ELL2: variants seen among roughly 807,000 people sequenced by gnomAD.
ELL2 encodes elongation factor for RNA polymerase II 2, also known as RNA polymerase II elongation factor ELL2.
ELL2 carries 21 observed loss-of-function variants against 72.8 expected under a neutral mutation model. That is an observed-to-expected ratio of 0.29 (90% CI 0.20 to 0.42). The LOEUF (loss-of-function observed/expected upper bound fraction) is 0.42. Among genes scored for constraint, ELL2 ranks in the 10% least tolerant of loss-of-function variants. ELL2 has a pLI of 1.00. For synonymous variants in ELL2, 266 were observed against 283.2 expected (o/e 0.94, Z 0.61); for missense variants, 568 against 772.8 (o/e 0.73, Z 3.14).
chr5:95,922,023 A>G (rs1363430657), intron 2 of ELL2, among the ~76,000 whole-genome samples: 1 of 151,842 alleles, frequency 6.6e-6, no homozygotes, highest in Admixed American at 6.6e-5. Context: ...GTACTTCCAT[A>G]CCTATCAGAG....
In ELL2 at chr5:95,943,013, C is replaced by A; in HGVS notation, c.184G>T (p.Gly62Ter). The A allele has an allele frequency of 6.3e-7, 1 of 1,597,290 alleles. No individual in the cohort carries two copies. The change falls in exon 2 of 12, where the codon GGA becomes TGA. Residue 62 changes from glycine to a stop codon, truncating the protein, a stop_gained. Transcript: ENST00000237853. LOFTEE classifies it high-confidence loss of function. ...ATAAGAGTACTCACCCCGTGGAGTCCTTGGAACTGGATTGAAGGTCGAAAA... is the reference window on the plus strand; with the variant it reads ...ATAAGAGTACTCACCCCGTGGAGTCATTGGAACTGGATTGAAGGTCGAAAA... ...IPFRPSIQFQ[G>*]LHGLVKIPKN...
chr5:95,928,024 T>C (rs747038602), intron 2 of ELL2, among the ~76,000 whole-genome samples: 16 of 151,764 alleles, frequency 1.1e-4, no homozygotes, highest in Non-Finnish European at 1.9e-4. Flanking sequence ...CTAAAAAGTA[T>C]TTAGAAGAAC....
At chr5:95,949,431 TGGGC>T (rs1342333862) in intron 1 of ELL2, among the ~76,000 whole-genome samples, 1 of 152,186 alleles carries the variant, frequency 6.6e-6, no homozygotes, top group Non-Finnish European at 1.5e-5. Flanking sequence ...AATAGCATTC[TGGGC>T]CTAGAAAATA....
In ELL2 at chr5:95,961,659, C is replaced by G; in HGVS notation, c.63G>C (p.Arg21=). Residue 21 remains arginine, a synonymous_variant, in exon 1 of 12, where the codon CGG becomes CGC. Transcript: ENST00000237853. ...EEQRYGLSCG[R]LGQDNITVLH... is the part of the protein sequence containing the mutation. ...GTACGGTGATGTTGTCCTGCCCCAG[C>G]CGTCCGCACGACAGCCCATAGCGCT... 1 of 1,609,948 alleles carries G rather than the reference C, an allele frequency of 6.2e-7. No homozygotes were observed. Among genetic ancestry groups the G allele is most frequent in the Non-Finnish European group, 8.5e-7 (1 of 1,178,630 alleles).
chr5:95,894,349 C>T (rs1024686797), intron 9 of ELL2, among the ~76,000 whole-genome samples: 8 of 152,090 alleles, frequency 5.3e-5, no homozygotes, highest in African/African-American at 1.2e-4. Context: ...ATGATTCTGT[C>T]GTATATAATA....
At position 95,888,336 on chromosome 5, in the gene ELL2, C is replaced by T. The variant is rs1199637418; in HGVS notation, c.*535G>A. The T allele has an allele frequency of 1.3e-5, 2 of 152,584 alleles. No homozygotes were observed. Among genetic ancestry groups the T allele is most frequent in the Non-Finnish European group, 2.9e-5 (2 of 68,118 alleles). 9.5% of individuals were successfully genotyped at this position (152,584 alleles called of 1,614,324 possible). A position where few individuals can be genotyped will look rare whatever the true frequency, so the allele number is the denominator to read the frequency against. On this transcript the variant is annotated 3_prime_UTR_variant, in exon 12 of 12. Coordinates refer to ENST00000237853, the MANE Select transcript of ELL2 (RefSeq NM_012081.6). ...GTGTATGTGAATCTATACACATACACCTTTCTATTTTTTAACCCTCCAAGA... is the reference window on the plus strand; with the variant it reads ...GTGTATGTGAATCTATACACATACATCTTTCTATTTTTTAACCCTCCAAGA...
At chr5:95,940,986 G>A (rs900645193) in intron 2 of ELL2, among the ~76,000 whole-genome samples, 2 of 152,052 alleles carry the variant, frequency 1.3e-5, no homozygotes, top group African/African-American at 4.8e-5. Context: ...GGGAGGGGTG[G>A]ATGGAATGCA....
intron 8 of ELL2, among the ~76,000 whole-genome samples, chr5:95,896,889 C>A (rs938803277): frequency 6.6e-6 from 1 of 152,168 alleles, no homozygotes; most frequent in Non-Finnish European, 1.5e-5. Flanking sequence ...TGTCTCTAGC[C>A]TTTGACTCAG....
At position 95,906,665 on chromosome 5, in the gene ELL2, G is replaced by A; in HGVS notation, c.599C>T (p.Thr200Ile). Residue 200 changes from threonine (T) to isoleucine (I), a missense_variant, in exon 5 of 12, where the codon ACC (threonine) becomes ATC (isoleucine). By Grantham distance (89) the Thr-to-Ile change is moderately conservative. Coordinates refer to ENST00000237853, the MANE Select transcript of ELL2 (RefSeq NM_012081.6). ...GTCCCTGTATGGCCTCTGAGAGATG[G>A]TGCTGCTGCTATGTGTCTTTCGAAT... is the stretch of plus-strand genomic sequence containing the variant. Reference protein sequence around the residue: ...NTIRKTHSSSTISQRPYRDRV... With the variant: ...NTIRKTHSSSIISQRPYRDRV... 1.9e-6 allele frequency: 3 copies of A among 1,614,160 alleles called. No homozygotes were observed. Among genetic ancestry groups the A allele is most frequent in the Non-Finnish European group, 2.5e-6 (3 of 1,179,998 alleles).
rs1482872046 is a variant in ELL2 at position 95,885,825 on chromosome 5, G to C, written c.*3046C>G. The C allele has an allele frequency of 6.6e-6, 1 of 152,178 alleles. No individual in the cohort carries two copies. Among genetic ancestry groups the C allele is most frequent in the East Asian group, 1.9e-4 (1 of 5,204 alleles). 9.4% of individuals were successfully genotyped at this position (152,178 alleles called of 1,614,324 possible). A position where few individuals can be genotyped will look rare whatever the true frequency, so the allele number is the denominator to read the frequency against. The stretch of plus-strand genomic sequence containing the variant: ...GACCATAACAATTTTGTGAGAACAA[G>C]TATAAAACTATCCATTACTACCTTA... On this transcript the variant is annotated 3_prime_UTR_variant, in exon 12 of 12. Transcript: ENST00000237853.
In ELL2 at chr5:95,893,952, A is replaced by C. The variant is rs541600227; in HGVS notation, c.1589+1676T>G. 3.3e-5 allele frequency among the ~76,000 whole-genome samples: 5 copies of C among 152,340 alleles called. No homozygotes were observed. The South Asian group carries it at 1.0e-3, about 32-fold the overall frequency. Reference sequence around the variant, plus strand: ...ACCATCCTTAGATAAGTAACCTGAAAAAACCTTTTAAATATGAAATTAAGG... The same window carrying C: ...ACCATCCTTAGATAAGTAACCTGAACAAACCTTTTAAATATGAAATTAAGG... On this transcript the variant is annotated intron_variant, in intron 9 of 11. Coordinates refer to ENST00000237853, the MANE Select transcript of ELL2 (RefSeq NM_012081.6).
At chr5:95,958,713 A>G (rs982233410) in intron 1 of ELL2, among the ~76,000 whole-genome samples, 1 of 152,156 alleles carries the variant, frequency 6.6e-6, no homozygotes, top group African/African-American at 2.4e-5. Flanking sequence ...GAATCCTAGG[A>G]CTAATACAAG....
chr5:95,911,910 G>C (rs1222682804), intron 4 of ELL2, among the ~76,000 whole-genome samples: 1 of 152,204 alleles, frequency 6.6e-6, no homozygotes, highest in Non-Finnish European at 1.5e-5. Context: ...CCTACAGAGT[G>C]CCCGGATTGG....
At position 95,906,455 on chromosome 5, in the gene ELL2, C is replaced by T. The variant is rs1168048829; in HGVS notation, c.741+68G>A. On this transcript the variant is annotated intron_variant, in intron 5 of 11. Transcript: ENST00000237853. The stretch of plus-strand genomic sequence containing the variant: ...TCAATAATAATGATAATAATGACAA[C>T]AAGCTTTTTTAAATGAACATTTTAA... 14 of 1,486,066 alleles carry T rather than the reference C, an allele frequency of 9.4e-6. No individual in the cohort carries two copies. In the East Asian group the frequency reaches 2.3e-4, roughly 25 times the overall value. 92.1% of individuals were successfully genotyped at this position (1,486,066 alleles called of 1,614,324 possible). A position where few individuals can be genotyped will look rare whatever the true frequency, so the allele number is the denominator to read the frequency against.
At position 95,951,369 on chromosome 5, in the gene ELL2, A is replaced by AAAAAT. The variant is rs913810564; in HGVS notation, c.148-8325_148-8321dup. On this transcript the variant is annotated intron_variant, in intron 1 of 11. Coordinates refer to ENST00000237853, the MANE Select transcript of ELL2 (RefSeq NM_012081.6). ...GGGGGACAGAGCGAGACTCCGTCTC[A>AAAAAT]AAAATAAAATAAAATAAATAAATAA... Among the ~76,000 whole-genome samples, 41 of 150,596 alleles carry AAAAAT rather than the reference A, an allele frequency of 2.7e-4. No homozygotes were observed. In the South Asian group the frequency reaches 6.3e-3, roughly 23 times the overall value.
rs1580491716 is a variant in ELL2, at chr5:95,906,849, C to T, written c.482-67G>A. 2.1e-6 allele frequency: 3 copies of T among 1,429,048 alleles called. No homozygotes were observed. The East Asian group carries it at 7.6e-5, about 36-fold the overall frequency. 88.5% of individuals were successfully genotyped at this position (1,429,048 alleles called of 1,614,324 possible). The stretch of plus-strand genomic sequence containing the variant: ...TACAATATGAGCACCTCAGTTTCCA[C>T]AATTCTGATTTAGGTACCTCTTCAT... On this transcript the variant is annotated intron_variant, in intron 4 of 11. Transcript: ENST00000237853.
rs576634116 is a variant in ELL2, at chr5:95,908,556, A to C, written c.482-1774T>G. 2.0e-5 allele frequency among the ~76,000 whole-genome samples: 3 copies of C among 152,302 alleles called. No homozygotes were observed. In the South Asian group the frequency reaches 6.2e-4, roughly 32 times the overall value. ...AGTATTTGATGACTAAATGAATGAC[A>C]GCGAGAGAGCAAGTAAGCAGAGGAG... On this transcript the variant is annotated intron_variant, in intron 4 of 11. Coordinates refer to ENST00000237853, the MANE Select transcript of ELL2 (RefSeq NM_012081.6).
intron 2 of ELL2, among the ~76,000 whole-genome samples, chr5:95,921,929 A>T (rs1750102187): frequency 6.6e-6 from 1 of 152,170 alleles, no homozygotes; most frequent in East Asian, 1.9e-4. Context: ...TCTCCATATG[A>T]TATTTCATCT....
rs1241849400 is a variant in ELL2 at position 95,887,097 on chromosome 5, G to GT, written c.*1773dup. The GT allele has an allele frequency of 3.3e-5, 5 of 152,074 alleles. No homozygotes were observed. Among genetic ancestry groups the GT allele is most frequent in the Middle Eastern group, 6.8e-3 (2 of 294 alleles). The allele number at this position is 152,074 out of a possible 1,614,324, so 9.4% of individuals were successfully genotyped here. The stretch of plus-strand genomic sequence containing the variant: ...TAATAATGATTGTACCAATTCTGAG[G>GT]TAAAAAAAGAGCACCAGGGATCTCA... On this transcript the variant is annotated 3_prime_UTR_variant, in exon 12 of 12. Coordinates refer to ENST00000237853, the MANE Select transcript of ELL2 (RefSeq NM_012081.6).
Sources: gnomAD v4.1 joint callset for allele counts (sites outside exome capture counted in the v4.1 genomes callset) on GRCh38, gnomAD v4.1.1 for gene constraint, MANE v1.5 for transcripts, NCBI Gene and HGNC (gene_info 2026-07-23, HGNC 2026-07-21) for gene names.